Variants in CCDC178 observed in about 807,000 individuals in gnomAD.
The protein encoded by CCDC178 is coiled-coil domain containing 178, also known as coiled-coil domain-containing protein 178.
CCDC178 carries 126 observed loss-of-function variants against 117.4 expected under a neutral mutation model. The observed-to-expected ratio is 1.07, with a 90% CI of 0.93 to 1.24. The LOEUF (loss-of-function observed/expected upper bound fraction) is 1.24. Ranked by LOEUF, CCDC178 falls within the 50% of genes most tolerant of loss-of-function variation. The pLI is 0.00. For synonymous variants in CCDC178, 283 were observed against 313.4 expected (o/e 0.90, Z 1.02); for missense variants, 1,030 against 986.9 (o/e 1.04, Z -0.59).
At chr18:33,128,776 T>A (rs141564908) in intron 20 of CCDC178, among the ~76,000 whole-genome samples, 1 of 152,288 alleles carries the variant, frequency 6.6e-6, no homozygotes, top group Non-Finnish European at 1.5e-5. Flanking sequence ...CACCAGGAAC[T>A]GCATCACATA....
intron 11 of CCDC178, among the ~76,000 whole-genome samples, chr18:33,312,284 T>A (rs527914945): frequency 6.6e-6 from 1 of 152,180 alleles, no homozygotes; most frequent in East Asian, 1.9e-4. Flanking sequence ...TGCTTTCAAA[T>A]ATCAGGATCC....
At chr18:33,395,159 TAA>T (rs920446233) in intron 4 of CCDC178, among the ~76,000 whole-genome samples, 13 of 150,496 alleles carry the variant, frequency 8.6e-5, no homozygotes, top group East Asian at 3.9e-4. Flanking sequence ...TTTTAGAAAA[TAA>T]AAAGACAACC....
At chr18:33,162,334 TA>T (rs1314892155) in intron 20 of CCDC178, among the ~76,000 whole-genome samples, 1 of 152,042 alleles carries the variant, frequency 6.6e-6, no homozygotes, top group Non-Finnish European at 1.5e-5. Flanking sequence ...AAGTATAATT[TA>T]AAAAAAATAA....
intron 10 of CCDC178, among the ~76,000 whole-genome samples, chr18:33,326,814 G>A (rs367806333): frequency 6.6e-6 from 1 of 151,712 alleles, no homozygotes; most frequent in African/African-American, 2.4e-5. Flanking sequence ...TCTCTCATTC[G>A]AAGACATCAA....
rs534167579 is a variant in CCDC178, at chr18:32,978,683, T to C, written c.2389-4002A>G. Reference sequence around the variant, plus strand: ...CAGAAATCAATACCCCTTTTTAAAATTGTATTGCAGATTCTTGTCGAAACA... The same window carrying C: ...CAGAAATCAATACCCCTTTTTAAAACTGTATTGCAGATTCTTGTCGAAACA... On this transcript the variant is annotated intron_variant, in intron 21 of 22. Coordinates refer to ENST00000383096, the MANE Select transcript of CCDC178 (RefSeq NM_001105528.4). Among the ~76,000 whole-genome samples the C allele has an allele frequency of 8.4e-4, 128 of 152,280 alleles. 1 individual carries two copies. Among genetic ancestry groups the C allele is most frequent in the African/African-American group, 3.0e-3 (125 of 41,576 alleles).
At chr18:32,967,966 AT>A (rs1418648668) in intron 22 of CCDC178, among the ~76,000 whole-genome samples, 2 of 150,634 alleles carry the variant, frequency 1.3e-5, no homozygotes, top group Non-Finnish European at 3.0e-5. Flanking sequence ...TAGATAGCAT[AT>A]TCATCTCCTC....
chr18:33,349,106 AG>A (rs1322383533), intron 7 of CCDC178, 131 bp from the exon 8 acceptor site: 1 of 541,962 alleles, frequency 1.8e-6, no homozygotes, highest in Non-Finnish European at 3.2e-6. Flanking sequence ...CTTACTAGAT[AG>A]GAGACTAATA....
chr18:33,387,017 G>A (rs932884280), intron 5 of CCDC178, among the ~76,000 whole-genome samples: 1 of 152,116 alleles, frequency 6.6e-6, no homozygotes, highest in Non-Finnish European at 1.5e-5. Flanking sequence ...CTTTAGCAAA[G>A]TCTCAGGATA....
intron 20 of CCDC178, among the ~76,000 whole-genome samples, chr18:33,202,971 G>A (rs983949874): frequency 6.6e-6 from 1 of 152,124 alleles, no homozygotes; most frequent in African/African-American, 2.4e-5. Flanking sequence ...ATGTTGAATA[G>A]TAGTAGATCA....
At chr18:33,207,522 G>T (rs186932491) in intron 20 of CCDC178, among the ~76,000 whole-genome samples, 1,991 of 150,308 alleles carry the variant, frequency 0.013, 26 homozygotes, top group Middle Eastern at 0.059. Context: ...TCATTTTCCA[G>T]TGGGAATGGA....
At chr18:33,285,008 A>T (rs1333906649) in intron 12 of CCDC178, among the ~76,000 whole-genome samples, 1 of 152,094 alleles carries the variant, frequency 6.6e-6, no homozygotes. Context: ...AGCCTAAAGA[A>T]AAAAGAAAGA....
At chr18:33,268,956 A>G (rs2059853825) in intron 12 of CCDC178, among the ~76,000 whole-genome samples, 1 of 151,848 alleles carries the variant, frequency 6.6e-6, no homozygotes, top group Admixed American at 6.6e-5. Context: ...CTATCACTTC[A>G]GCTCCACAGA....
At chr18:32,945,076 T>G (rs1461379656) in intron 22 of CCDC178, among the ~76,000 whole-genome samples, 1 of 152,230 alleles carries the variant, frequency 6.6e-6, no homozygotes, top group Non-Finnish European at 1.5e-5. Context: ...ACTCATTGTT[T>G]GTGAATTTGA....
intron 20 of CCDC178, among the ~76,000 whole-genome samples, chr18:33,207,740 T>C (rs1305066142): frequency 6.6e-6 from 1 of 152,172 alleles, no homozygotes; most frequent in Middle Eastern, 3.4e-3. Context: ...AAATTTCAGA[T>C]AGATATTACT....
intron 11 of CCDC178, among the ~76,000 whole-genome samples, chr18:33,295,234 A>C (rs1180571137): frequency 6.6e-6 from 1 of 152,210 alleles, no homozygotes; most frequent in African/African-American, 2.4e-5. Context: ...TGGTGATGGA[A>C]TAATTACATA....
intron 6 of CCDC178, among the ~76,000 whole-genome samples, chr18:33,357,876 A>G (rs1376121145): frequency 6.6e-6 from 1 of 151,872 alleles, no homozygotes; most frequent in Non-Finnish European, 1.5e-5. Context: ...TCACATTAAT[A>G]TATACATATA....
chr18:33,437,303 A>G lies in CCDC178; in HGVS notation c.-23+2659T>C, dbSNP rs2064305868. ...AAAATAATTGTCTAGTTTGTCCATT[A>G]AACAACTTACCATCAATACAGGGAT... On this transcript the variant is annotated intron_variant, in intron 2 of 22. Transcript: ENST00000383096. Among the ~76,000 whole-genome samples, 2 of 152,228 alleles carry G rather than the reference A, an allele frequency of 1.3e-5. 1 individual carries two copies. The highest frequency in any genetic ancestry group is 4.8e-5 in the African/African-American group (2 of 41,458).
At chr18:33,414,555 T>G (rs2063906112) in intron 2 of CCDC178, among the ~76,000 whole-genome samples, 1 of 152,206 alleles carries the variant, frequency 6.6e-6, no homozygotes, top group African/African-American at 2.4e-5. Context: ...TAATTCAAGA[T>G]GGATCAAAGA....
chr18:33,333,048 T>G, intron 10 of CCDC178, 126 bp downstream of exon 10: 1 of 559,164 alleles, frequency 1.8e-6, no homozygotes, highest in South Asian at 2.6e-5. Context: ...TGTGTAGAGA[T>G]AAAGAGCAGG....
Sources: gnomAD v4.1 joint callset for allele counts (sites outside exome capture counted in the v4.1 genomes callset) on GRCh38, gnomAD v4.1.1 for gene constraint, MANE v1.5 for transcripts, NCBI Gene and HGNC (gene_info 2026-07-23, HGNC 2026-07-21) for gene names.